The following PPM1D variants were observed in gnomAD, a reference collection of about 807,000 sequenced individuals.
PPM1D encodes the protein protein phosphatase 1D.
In PPM1D, 52 loss-of-function variants were observed where a neutral mutation model predicts 58.3. The ratio of observed to expected loss-of-function variants is 0.89; its 90% CI spans 0.71 to 1.12. PPM1D has a LOEUF of 1.12. PPM1D is among the 50% of genes most tolerant of loss of function. The probability of loss-of-function intolerance (pLI) is 0.00; values close to 1 mark genes in which losing one functional copy is unlikely to be tolerated. For missense variants in PPM1D, 564 were observed against 777.2 expected (o/e 0.73, Z 3.26); for synonymous variants, 278 against 285.1 (o/e 0.98, Z 0.25).
rs960678802 is a variant in PPM1D, at chr17:60,663,835, T to A, written c.*283T>A. On this transcript the variant is annotated 3_prime_UTR_variant, in exon 6 of 6. Transcript: ENST00000305921. ...TTCAGAGTCTCTGATACACAGTAAT[T>A]GTGACAATAGGGCTAAATGTTTAAA... 1 of 280,438 alleles carries A rather than the reference T, an allele frequency of 3.6e-6. No individual in the cohort carries two copies. Among genetic ancestry groups the A allele is most frequent in the Non-Finnish European group, 6.7e-6 (1 of 148,156 alleles). The allele number at this position is 280,438 out of a possible 1,614,324, so 17.4% of individuals were successfully genotyped here.
chr17:60,609,556 G>C (rs1326677389), intron 1 of PPM1D, among the ~76,000 whole-genome samples: 1 of 152,150 alleles, frequency 6.6e-6, no homozygotes, highest in Non-Finnish European at 1.5e-5. Flanking sequence ...CTTGTGTGCT[G>C]TTGGGAGTAG....
At chr17:60,645,454 A>ATGTG (rs1239515737) in intron 3 of PPM1D, among the ~76,000 whole-genome samples, 136 of 103,208 alleles carry the variant, frequency 1.3e-3, no homozygotes, top group African/African-American at 3.4e-3. Context: ...TGTAAAATAT[A>ATGTG]TATGTGTGTG....
chr17:60,622,378 A>G (rs1419694621), intron 1 of PPM1D, among the ~76,000 whole-genome samples: 1 of 152,102 alleles, frequency 6.6e-6, no homozygotes, highest in African/African-American at 2.4e-5. Flanking sequence ...TTTATTTCTA[A>G]CATTTACATT....
At chr17:60,642,598 A>G (rs1003395163) in intron 3 of PPM1D, among the ~76,000 whole-genome samples, 3 of 152,022 alleles carry the variant, frequency 2.0e-5, no homozygotes, top group Non-Finnish European at 2.9e-5. Context: ...AGCTGGGACT[A>G]CAGGCGTGTG....
At chr17:60,611,695 A>G (rs1210283766) in intron 1 of PPM1D, among the ~76,000 whole-genome samples, 2 of 152,144 alleles carry the variant, frequency 1.3e-5, no homozygotes, top group Non-Finnish European at 2.9e-5. Flanking sequence ...CTGGGATTGT[A>G]GGTGTGAGCT....
At chr17:60,604,518 T>G (rs1228937828) in intron 1 of PPM1D, 1 of 152,182 alleles carries the variant, frequency 6.6e-6, no homozygotes, top group Non-Finnish European at 1.5e-5. Context: ...AAAAGCCTGT[T>G]TATGTAGTCT....
rs1032256604 is a variant in PPM1D, at chr17:60,616,328, G to A, written c.473-7193G>A. Reference sequence around the variant, plus strand: ...GGAAAACTAAAAAGAAAAGAAAAAGGCCAGGTTCAGTGGCTCATGCCTGTA... The same window carrying A: ...GGAAAACTAAAAAGAAAAGAAAAAGACCAGGTTCAGTGGCTCATGCCTGTA... On this transcript the variant is annotated intron_variant, in intron 1 of 5. Transcript: ENST00000305921. 3.3e-5 allele frequency among the ~76,000 whole-genome samples: 5 copies of A among 151,738 alleles called. No individual in the cohort carries two copies. In the East Asian group the frequency reaches 9.7e-4, roughly 29 times the overall value.
chr17:60,611,262 C>T (rs1466540011), intron 1 of PPM1D, among the ~76,000 whole-genome samples: 1 of 152,190 alleles, frequency 6.6e-6, no homozygotes, highest in East Asian at 1.9e-4. Context: ...CTCAAGTGAT[C>T]TGCACGCCTT....
chr17:60,617,667 C>T (rs114320246), intron 1 of PPM1D, among the ~76,000 whole-genome samples: 173 of 152,232 alleles, frequency 1.1e-3, no homozygotes, highest in African/African-American at 3.9e-3. Flanking sequence ...CATGAAATAA[C>T]TTCTGCAACC....
chr17:60,642,407 G>A (rs2031153502), intron 3 of PPM1D, among the ~76,000 whole-genome samples: 2 of 140,292 alleles, frequency 1.4e-5, no homozygotes, highest in South Asian at 2.2e-4. Flanking sequence ...GGCAATGAAC[G>A]ATTTGTGAAT....
intron 5 of PPM1D, among the ~76,000 whole-genome samples, chr17:60,659,545 TG>T (rs769037770): frequency 2.6e-5 from 4 of 152,216 alleles, no homozygotes; most frequent in Admixed American, 6.5e-5. Context: ...AAGAACGGAA[TG>T]GGGAAGAGAG....
At position 60,649,647 on chromosome 17, in the gene PPM1D, C is replaced by G. The variant is rs574338339; in HGVS notation, c.1017+1565C>G. Among the ~76,000 whole-genome samples, 13 of 152,004 alleles carry G rather than the reference C, an allele frequency of 8.6e-5. No homozygotes were observed. The South Asian group carries it at 2.7e-3, about 32-fold the overall frequency. On this transcript the variant is annotated intron_variant, in intron 4 of 5. Coordinates refer to ENST00000305921, the MANE Select transcript of PPM1D (RefSeq NM_003620.4). ...GAGGTCGCAGTGAGCCAAGATCATGCCATTGCACTCCAGCCTGGGCAATAA... is the reference window on the plus strand; with the variant it reads ...GAGGTCGCAGTGAGCCAAGATCATGGCATTGCACTCCAGCCTGGGCAATAA...
At chr17:60,627,654 T>C (rs1024624100) in intron 2 of PPM1D, among the ~76,000 whole-genome samples, 2 of 152,076 alleles carry the variant, frequency 1.3e-5, no homozygotes, top group African/African-American at 4.8e-5. Flanking sequence ...ACTCCTGACC[T>C]TGTGATCCGC....
At chr17:60,633,064 T>G (rs2030957923) in intron 2 of PPM1D, among the ~76,000 whole-genome samples, 1 of 150,722 alleles carries the variant, frequency 6.6e-6, no homozygotes, top group South Asian at 2.1e-4. Flanking sequence ...GGTGGGCAGA[T>G]CACTTGAGGT....
At chr17:60,652,550 GTTTTT>G (rs776162517) in intron 4 of PPM1D, among the ~76,000 whole-genome samples, 3 of 67,632 alleles carry the variant, frequency 4.4e-5, no homozygotes, top group African/African-American at 5.9e-5. Context: ...GTTTACTTCT[GTTTTT>G]TTTTTTTTTT....
chr17:60,613,979 T>TGCCCAAGGGGTGAGGAGTGCGG (rs2030522762), intron 1 of PPM1D, among the ~76,000 whole-genome samples: 1 of 143,714 alleles, frequency 7.0e-6, no homozygotes, highest in Non-Finnish European at 1.5e-5. Context: ...TCCCGTCGAC[T>TGCCCAAGGGGTGAGGAGTGCGG]GCCCAAGGGC....
At chr17:60,649,402 A>G (rs1170951164) in intron 4 of PPM1D, among the ~76,000 whole-genome samples, 1 of 152,188 alleles carries the variant, frequency 6.6e-6, no homozygotes, top group Non-Finnish European at 1.5e-5. Flanking sequence ...AATTGCCTCC[A>G]TTCATTCCGG....
intron 1 of PPM1D, among the ~76,000 whole-genome samples, chr17:60,602,455 C>T (rs1179248978): frequency 1.5e-4 from 22 of 149,578 alleles, no homozygotes; most frequent in Admixed American, 1.3e-3. Flanking sequence ...CGGGCAGGGG[C>T]GGGGGACGGG....
rs558287216 is a variant in PPM1D at position 60,627,445 on chromosome 17, A to G, written c.701+3696A>G. 3.9e-4 allele frequency among the ~76,000 whole-genome samples: 59 copies of G among 151,306 alleles called. No individual in the cohort carries two copies. The South Asian group carries it at 0.012, about 30-fold the overall frequency. ...TTTCTTTCTTTTTTTTTTTTGAGAC[A>G]GAGTCTTGCCCTGTTACCCAGGCTG... is the stretch of plus-strand genomic sequence containing the variant. On this transcript the variant is annotated intron_variant, in intron 2 of 5. Transcript: ENST00000305921.
Sources: gnomAD v4.1 joint callset for allele counts (sites outside exome capture counted in the v4.1 genomes callset) on GRCh38, gnomAD v4.1.1 for gene constraint, MANE v1.5 for transcripts, NCBI Gene and HGNC (gene_info 2026-07-23, HGNC 2026-07-21) for gene names.